The following MCM3AP variants were observed in gnomAD, a reference collection of about 807,000 sequenced individuals.
MCM3AP encodes minichromosome maintenance complex component 3 associated protein, also known as germinal-center associated nuclear protein.
A neutral mutation model predicts 184.1 loss-of-function variants in MCM3AP; 126 were observed. The observed-to-expected ratio is 0.68, with a 90% confidence interval of 0.59 to 0.79. The LOEUF (loss-of-function observed/expected upper bound fraction) is 0.79, where lower values mean the gene tolerates loss of function less well. MCM3AP is among the 30% of genes least tolerant of loss of function. The probability of loss-of-function intolerance (pLI) is 0.00; values close to 1 mark genes in which losing one functional copy is unlikely to be tolerated. For missense variants in MCM3AP, 2,496 were observed against 2,479.2 expected (o/e 1.01, Z -0.14); for synonymous variants, 1,002 against 979.3 (o/e 1.02, Z -0.43).
intron 4 of MCM3AP, among the ~76,000 whole-genome samples, chr21:46,279,175 C>A (rs2081294037): frequency 6.6e-6 from 1 of 151,786 alleles, no homozygotes; most frequent in Non-Finnish European, 1.5e-5. Flanking sequence ...GTAATCTCAG[C>A]TACTAGGGAG....
In MCM3AP at chr21:46,251,566, T is replaced by C; in HGVS notation, c.4253A>G (p.Lys1418Arg). 6.2e-7 allele frequency: 1 copy of C among 1,612,698 alleles called. No homozygotes were observed. The highest frequency in any genetic ancestry group is 8.5e-7 in the Non-Finnish European group (1 of 1,178,732). The change falls in exon 20 of 28, where the codon AAA (lysine) becomes AGA (arginine). Residue 1418 changes from lysine to arginine, a missense_variant. Lys to Arg is a conservative substitution (Grantham distance 26). This residue lies in a region of MCM3AP where 1,323 missense variants were observed against 1,273.4 expected (regional missense o/e 1.04). Transcript: ENST00000291688. ...TLSLFNSLSS[K>R]GDQMISVNVC... is the part of the protein sequence containing the mutation. ...GTTAACAGAAATCATCTGATCCCCT[T>C]TGCTGCTAAGTGAGTTGAAAAGCGA...
chr21:46,259,428 C>A (rs1009227048), intron 15 of MCM3AP: 3 of 167,172 alleles, frequency 1.8e-5, no homozygotes, highest in African/African-American at 7.2e-5. Context: ...TGCACTCCAG[C>A]CTGGACGACA....
In MCM3AP at chr21:46,247,312, A is replaced by C. The variant is rs528610152; in HGVS notation, c.4291-426T>G. ...TAACATTGTTTCTTCATATATTCAGAGGACAATCACCCTAGAAAAATAATT... is the reference window on the plus strand; with the variant it reads ...TAACATTGTTTCTTCATATATTCAGCGGACAATCACCCTAGAAAAATAATT... On this transcript the variant is annotated intron_variant, in intron 20 of 27. Coordinates refer to ENST00000291688, the MANE Select transcript of MCM3AP (RefSeq NM_003906.5). 5.0e-5 allele frequency: 8 copies of C among 160,100 alleles called. No individual in the cohort carries two copies. In the East Asian group the frequency reaches 1.4e-3, roughly 29 times the overall value. 9.9% of individuals were successfully genotyped at this position (160,100 alleles called of 1,614,324 possible).
intron 19 of MCM3AP, chr21:46,254,059 A>G (rs1392266898): frequency 1.8e-5 from 6 of 325,318 alleles, no homozygotes; most frequent in Non-Finnish European, 2.9e-5. Flanking sequence ...GCCTTCCACC[A>G]TGATTGTGGG....
In MCM3AP at chr21:46,278,967, C is replaced by T. The variant is rs545524787; in HGVS notation, c.1667+1026G>A. Among the ~76,000 whole-genome samples the T allele has an allele frequency of 1.1e-3, 161 of 149,894 alleles. 2 individuals carry two copies. In the East Asian group the frequency reaches 0.027, roughly 25 times the overall value. On this transcript the variant is annotated intron_variant, in intron 4 of 27. Coordinates refer to ENST00000291688, the MANE Select transcript of MCM3AP (RefSeq NM_003906.5). ...GGATTACAGGCGTGAGCACTGCGCC[C>T]GGCCAGGAGACAGCTCTTCAGGAAA...
At chr21:46,267,259 G>A (rs60905676) in intron 9 of MCM3AP, 117 bp from the exon 10 acceptor site, 3 of 975,314 alleles carry the variant, frequency 3.1e-6, no homozygotes, top group Non-Finnish European at 4.5e-6. Flanking sequence ...CCTGGGCTGA[G>A]TCCACCAGAA....
Position 46,236,634 on chromosome 21 carries a change from C to T in MCM3AP, c.5784+195G>A, listed in dbSNP as rs543826489. Among the ~76,000 whole-genome samples, 94 of 152,252 alleles carry T rather than the reference C, an allele frequency of 6.2e-4. 1 individual carries two copies. The highest frequency in any genetic ancestry group is 3.1e-3 in the South Asian group (15 of 4,822). ...TTTCAATTCTATTCTTCATTTATTTCGTAGGCAGAAACTCAAAATCAGTTG... is the reference window on the plus strand; with the variant it reads ...TTTCAATTCTATTCTTCATTTATTTTGTAGGCAGAAACTCAAAATCAGTTG... On this transcript the variant is annotated intron_variant, in intron 27 of 27. Transcript: ENST00000291688.
intron 5 of MCM3AP, among the ~76,000 whole-genome samples, chr21:46,276,277 AG>A (rs2081253825): frequency 6.9e-6 from 1 of 145,926 alleles, no homozygotes; most frequent in African/African-American, 2.5e-5. Flanking sequence ...AAAAAAAAAA[AG>A]AAAAATTCTA....
At position 46,246,324 on chromosome 21, in the gene MCM3AP, G is replaced by C; in HGVS notation, c.4630C>G (p.Leu1544Val). The C allele has an allele frequency of 6.2e-7, 1 of 1,607,144 alleles. No homozygotes were observed. The highest frequency in any genetic ancestry group is 8.5e-7 in the Non-Finnish European group (1 of 1,173,580). ...VTEIPDTIND[L>V]QGSTKVLQAV... ...AACCTTACCTTAGTTGAACCTTGTAGATCATTAATGGTATCAGGGATCTCG... is the reference window on the plus strand; with the variant it reads ...AACCTTACCTTAGTTGAACCTTGTACATCATTAATGGTATCAGGGATCTCG... Residue 1544 changes from leucine to valine, a missense_variant, in exon 22 of 28, where the codon CTA becomes GTA. This residue lies in a region of MCM3AP where 1,323 missense variants were observed against 1,273.4 expected (regional missense o/e 1.04). Transcript: ENST00000291688.
chr21:46,252,359 A>G (rs2145638705), intron 19 of MCM3AP: 1 of 152,340 alleles, frequency 6.6e-6, no homozygotes, highest in South Asian at 2.1e-4. Flanking sequence ...CTTAAGTGAC[A>G]TACGAACTTA....
chr21:46,272,058 C>T (rs994703207), intron 8 of MCM3AP, among the ~76,000 whole-genome samples: 1 of 151,926 alleles, frequency 6.6e-6, no homozygotes, highest in African/African-American at 2.4e-5. Context: ...GGCCAGAGAG[C>T]TCGCCAGACT....
At chr21:46,267,370 G>T in intron 9 of MCM3AP, 1 of 523,568 alleles carries the variant, frequency 1.9e-6, no homozygotes, top group South Asian at 2.5e-5. Context: ...CATAGAGAAG[G>T]ATGGCTTGTG....
intron 20 of MCM3AP, chr21:46,249,493 A>G: frequency 2.4e-6 from 1 of 423,106 alleles, no homozygotes; most frequent in South Asian, 1.7e-5. Flanking sequence ...GCGGCCAGGA[A>G]AATAATTTTC....
rs1381544615 is a variant in MCM3AP at position 46,280,098 on chromosome 21, G to C, written c.1562C>G (p.Pro521Arg). Reference sequence around the variant, plus strand: ...GCTCGGGCTGACTTCACCGTCACCTGGTTTCTTCTCCTTCAGGGAAAAGGG... The same window carrying C: ...GCTCGGGCTGACTTCACCGTCACCTCGTTTCTTCTCCTTCAGGGAAAAGGG... ...KKPFSLKEKK[P>R]GDGEVSPSTE... Residue 521 changes from proline (P) to arginine (R), a missense_variant, in exon 4 of 28, where the codon CCA becomes CGA. Pro to Arg is a moderately radical substitution (Grantham distance 103, BLOSUM62 -2). Transcript: ENST00000291688. The C allele has an allele frequency of 1.9e-6, 3 of 1,614,054 alleles. No individual in the cohort carries two copies. Among genetic ancestry groups the C allele is most frequent in the Non-Finnish European group, 1.7e-6 (2 of 1,180,024 alleles).
chr21:46,271,326 G>GT (rs375433728), intron 8 of MCM3AP, among the ~76,000 whole-genome samples: 19,430 of 132,138 alleles, frequency 0.15, 1,458 homozygotes, highest in South Asian at 0.18. Context: ...CCACACCTGG[G>GT]TTTTTTTTTT....
In MCM3AP at chr21:46,243,701, G is replaced by A. The variant is rs1269961227; in HGVS notation, c.5060C>T (p.Ser1687Phe). Residue 1687 changes from serine to phenylalanine, a missense_variant, in exon 24 of 28, where the codon TCC (serine) becomes TTC (phenylalanine). This residue lies in a region of MCM3AP where 1,323 missense variants were observed against 1,273.4 expected (regional missense o/e 1.04). Transcript: ENST00000291688. ...PLGAPWLPVC[S>F]MVVQYASQIP... The stretch of plus-strand genomic sequence containing the variant: ...CTGGGAGGCGTACTGGACAACCATG[G>A]AGCACACGGGGAGCCAGGGGGCTGG... 1 of 1,614,112 alleles carries A rather than the reference G, an allele frequency of 6.2e-7. No homozygotes were observed. The highest frequency in any genetic ancestry group is 8.5e-7 in the Non-Finnish European group (1 of 1,180,044).
In MCM3AP at chr21:46,244,988, C is replaced by T. The variant is rs958228324; in HGVS notation, c.4857G>A (p.Leu1619=). The T allele has an allele frequency of 6.2e-7, 1 of 1,614,100 alleles. No individual in the cohort carries two copies. Among genetic ancestry groups the T allele is most frequent in the Non-Finnish European group, 8.5e-7 (1 of 1,180,042 alleles). The change falls in exon 23 of 28, where the codon CTG becomes CTA. Residue 1619 remains leucine, a synonymous_variant. Transcript: ENST00000291688. ...IELFNSVLQF[L]ASVVSSEQLC... Reference sequence around the variant, plus strand: ...GCTGTTCAGAGGACACCACAGAAGCCAGGAACTGCAGCACACTGTTAAACA... The same window carrying T: ...GCTGTTCAGAGGACACCACAGAAGCTAGGAACTGCAGCACACTGTTAAACA...
intron 16 of MCM3AP, among the ~76,000 whole-genome samples, chr21:46,257,817 C>T (rs2080980188): frequency 6.6e-6 from 1 of 150,652 alleles, no homozygotes; most frequent in Admixed American, 6.6e-5. Flanking sequence ...CCCAGCTACT[C>T]AGGAGGCTGA....
rs1211169557 is a variant in MCM3AP, at chr21:46,284,786, G to A, written c.501C>T (p.Thr167=). The A allele has an allele frequency of 6.2e-7, 1 of 1,613,664 alleles. No individual in the cohort carries two copies. The highest frequency in any genetic ancestry group is 1.1e-5 in the South Asian group (1 of 91,062). ...ILGAESEPEK[T]QSQIASGFFT... ...AAAACCCAGAAGCAATTTGGCTCTG[G>A]GTTTTCTCTGGCTCAGATTCAGCCC... is the stretch of plus-strand genomic sequence containing the variant. Residue 167 remains threonine (T), a synonymous_variant, in exon 1 of 28, where the codon ACC becomes ACT. Coordinates refer to ENST00000291688, the MANE Select transcript of MCM3AP (RefSeq NM_003906.5).
Sources: allele counts gnomAD v4.1 joint callset (sites outside exome capture counted in the v4.1 genomes callset), GRCh38; gene constraint gnomAD v4.1.1; regional missense constraint gnomAD v4.1.1; transcripts MANE v1.5; gene names NCBI Gene and HGNC (gene_info 2026-07-23, HGNC 2026-07-21).